The following RAPGEF2 variants were observed in gnomAD, a reference collection of about 807,000 sequenced individuals.
RAPGEF2 encodes PDZ domain containing guanine nucleotide exchange factor (GEF) 1.
Under a neutral mutation model 186.7 loss-of-function variants are expected in RAPGEF2, and 54 were observed. The observed-to-expected ratio is 0.29, with a 90% confidence interval of 0.23 to 0.36. The LOEUF is 0.36. Ranked by LOEUF, RAPGEF2 falls within the 10% of genes least tolerant of loss-of-function variation. RAPGEF2 has a pLI of 1.00. For synonymous variants in RAPGEF2, 712 were observed against 705.9 expected, an observed-to-expected ratio of 1.01 and a Z score of -0.14; for missense variants, 1,532 against 2,045.0, an observed-to-expected ratio of 0.75 and a Z score of 4.84.
chr4:159,354,885 A>G (rs913003248), intron 28 of RAPGEF2, among the ~76,000 whole-genome samples: 4 of 152,238 alleles, frequency 2.6e-5, no homozygotes, highest in Non-Finnish European at 4.4e-5. Flanking sequence ...TAACATCTAT[A>G]TAGACGAAGT....
chr4:159,156,273 C>T (rs34413423), intron 1 of RAPGEF2, among the ~76,000 whole-genome samples: 32,723 of 152,092 alleles, frequency 0.22, 4,432 homozygotes, highest in Non-Finnish European at 0.31. Flanking sequence ...CATCCCACAG[C>T]ACTTGAAATT....
chr4:159,164,065 C>T (rs1212618708), intron 1 of RAPGEF2, among the ~76,000 whole-genome samples: 3 of 151,058 alleles, frequency 2.0e-5, no homozygotes, highest in Admixed American at 6.6e-5. Context: ...AGTGCAGTGG[C>T]GCAATCTCAG....
intron 1 of RAPGEF2, among the ~76,000 whole-genome samples, chr4:159,140,808 CAAAAATTTTTTTCTGGAAAAAAAA>C (rs1001503269): frequency 9.6e-5 from 14 of 146,400 alleles, no homozygotes; most frequent in South Asian, 2.2e-4. Flanking sequence ...CTTGGTAAGC[CAAAAATTTTTTTCTGGAAAAAAAA>C]AAAAATTTTT....
intron 1 of RAPGEF2, among the ~76,000 whole-genome samples, chr4:159,129,481 A>G (rs967957675): frequency 6.6e-5 from 10 of 152,242 alleles, no homozygotes; most frequent in Admixed American, 2.6e-4. Context: ...GTTATGTGCC[A>G]GAAAGTCACC....
intron 29 of RAPGEF2, among the ~76,000 whole-genome samples, chr4:159,357,558 A>C (rs1316726842): frequency 6.6e-6 from 1 of 152,140 alleles, no homozygotes; most frequent in Non-Finnish European, 1.5e-5. Context: ...GAAAAAAGCA[A>C]CACGTGACTG....
intron 7 of RAPGEF2, among the ~76,000 whole-genome samples, chr4:159,299,710 C>T (rs953250112): frequency 2.0e-5 from 3 of 151,952 alleles, no homozygotes; most frequent in Admixed American, 1.3e-4. Flanking sequence ...CATCCATACT[C>T]ATCTTTATGT....
chr4:159,121,826 C>T (rs1292022805), intron 1 of RAPGEF2, among the ~76,000 whole-genome samples: 6 of 148,274 alleles, frequency 4.0e-5, no homozygotes, highest in Middle Eastern at 3.5e-3. Flanking sequence ...GTCAGGAGTT[C>T]GAGACCACCC....
intron 7 of RAPGEF2, among the ~76,000 whole-genome samples, chr4:159,283,213 A>G (rs1759967554): frequency 6.6e-6 from 1 of 152,146 alleles, no homozygotes; most frequent in Non-Finnish European, 1.5e-5. Flanking sequence ...TTGGTTAATG[A>G]TAAACGTCGA....
chr4:159,283,876 C>T (rs948281478), intron 7 of RAPGEF2, among the ~76,000 whole-genome samples: 32 of 152,072 alleles, frequency 2.1e-4, no homozygotes, highest in Non-Finnish European at 3.2e-4. Flanking sequence ...CTTAATGATG[C>T]GTCTTTACAG....
intron 2 of RAPGEF2, among the ~76,000 whole-genome samples, chr4:159,188,833 T>A (rs1747819551): frequency 6.6e-6 from 1 of 152,182 alleles, no homozygotes; most frequent in Non-Finnish European, 1.5e-5. Flanking sequence ...CACCTTAGAA[T>A]GTCTATTTTG....
chr4:159,205,454 A>G (rs917417929), intron 3 of RAPGEF2, among the ~76,000 whole-genome samples: 1 of 152,208 alleles, frequency 6.6e-6, no homozygotes, highest in Non-Finnish European at 1.5e-5. Flanking sequence ...ATCCTAAGTC[A>G]AAATGCAGTT....
chr4:159,272,739 G>T (rs1369998508), intron 7 of RAPGEF2, among the ~76,000 whole-genome samples: 1 of 152,172 alleles, frequency 6.6e-6, no homozygotes, highest in Non-Finnish European at 1.5e-5. Flanking sequence ...GAATATGAGG[G>T]TTTGAGGAAA....
intron 1 of RAPGEF2, among the ~76,000 whole-genome samples, chr4:159,169,197 C>T (rs1395592371): frequency 1.3e-5 from 2 of 151,870 alleles, no homozygotes; most frequent in Non-Finnish European, 2.9e-5. Flanking sequence ...AACTCCCAAT[C>T]TATGTGGAAA....
rs558744094 is a variant in RAPGEF2 at position 159,135,642 on chromosome 4, C to T, written c.69+31411C>T. Among the ~76,000 whole-genome samples, 5 of 152,268 alleles carry T rather than the reference C, an allele frequency of 3.3e-5. No individual in the cohort carries two copies. The South Asian group carries it at 1.0e-3, about 32-fold the overall frequency. On this transcript the variant is annotated intron_variant, in intron 1 of 29. Transcript: ENST00000691494. Reference sequence around the variant, plus strand: ...GAGACGGAGTTTTGCTCTTTTCACCCAGGCTAGAGTGCAATGGCATGATCT... The same window carrying T: ...GAGACGGAGTTTTGCTCTTTTCACCTAGGCTAGAGTGCAATGGCATGATCT...
rs369347382 is a variant in RAPGEF2, at chr4:159,303,597, A to C, written c.544-745A>C. ...TTAGATTCTCACTTGACGAGGGCAT[A>C]ATAAGAGAAAAGGGGCTCGGTAAAT... On this transcript the variant is annotated intron_variant, in intron 7 of 29. Transcript: ENST00000691494. Among the ~76,000 whole-genome samples, 21 of 151,996 alleles carry C rather than the reference A, an allele frequency of 1.4e-4. No individual in the cohort carries two copies. The East Asian group carries it at 1.5e-3, about 11-fold the overall frequency.
intron 3 of RAPGEF2, among the ~76,000 whole-genome samples, chr4:159,204,867 C>T (rs943439679): frequency 2.6e-5 from 4 of 152,254 alleles, no homozygotes; most frequent in South Asian, 4.1e-4. Context: ...CTTTCCTATA[C>T]GAACCTCTTT....
intron 1 of RAPGEF2, among the ~76,000 whole-genome samples, chr4:159,166,469 C>T (rs1745332008): frequency 6.6e-6 from 1 of 152,130 alleles, no homozygotes; most frequent in Admixed American, 6.5e-5. Flanking sequence ...AAGTATTGAT[C>T]AGACATGCAT....
intron 12 of RAPGEF2, 109 bp from the exon 13 acceptor site, chr4:159,330,225 G>A (rs1433448755): frequency 3.4e-6 from 3 of 871,582 alleles, no homozygotes; most frequent in Non-Finnish European, 5.2e-6. Flanking sequence ...TGAAATCCCA[G>A]TACCATATAA....
intron 3 of RAPGEF2, among the ~76,000 whole-genome samples, chr4:159,198,223 TTTA>T (rs1389077464): frequency 6.8e-6 from 1 of 147,068 alleles, no homozygotes; most frequent in Non-Finnish European, 1.5e-5. Flanking sequence ...GATTCTTTCT[TTTA>T]TTTTCTTTTC....
Sources: allele counts gnomAD v4.1 joint callset (sites outside exome capture counted in the v4.1 genomes callset), GRCh38; gene constraint gnomAD v4.1.1; transcripts MANE v1.5; gene names NCBI Gene and HGNC (gene_info 2026-07-23, HGNC 2026-07-21).